The following MCTP1 variants were observed in gnomAD, a reference collection of about 807,000 sequenced individuals.
The protein encoded by MCTP1 is multiple C2 and transmembrane domain containing 1, also known as multiple C2 and transmembrane domain-containing protein 1.
In MCTP1, 69 loss-of-function variants were observed where a neutral mutation model predicts 120.6. The ratio of observed to expected loss-of-function variants is 0.57; its 90% CI spans 0.47 to 0.70. MCTP1 has a LOEUF of 0.70. Ranked by LOEUF, MCTP1 falls within the 30% of genes least tolerant of loss-of-function variation. The pLI is 0.00. For missense variants in MCTP1, 1,203 were observed against 1,248.8 expected (o/e 0.96, Z 0.55); for synonymous variants, 529 against 493.1 (o/e 1.07, Z -0.96).
chr5:94,882,962 C>A (rs1251885619), intron 12 of MCTP1, among the ~76,000 whole-genome samples: 1 of 152,116 alleles, frequency 6.6e-6, no homozygotes, highest in African/African-American at 2.4e-5. Flanking sequence ...TTTCATTCCT[C>A]TTTTTGGAGA....
chr5:95,277,281 T>A (rs891452063), intron 1 of MCTP1, among the ~76,000 whole-genome samples: 3 of 152,090 alleles, frequency 2.0e-5, no homozygotes, highest in Non-Finnish European at 4.4e-5. Context: ...TGGCAGCCAC[T>A]TAGTAGGTAC....
chr5:94,710,689 C>A, intron 21 of MCTP1, 129 bp downstream of exon 21: 1 of 609,734 alleles, frequency 1.6e-6, no homozygotes, highest in Non-Finnish European at 2.9e-6. Context: ...ACCAACCTGT[C>A]TCTTTTCATC....
chr5:95,018,675 A>G (rs1837611071), intron 1 of MCTP1, among the ~76,000 whole-genome samples: 1 of 152,058 alleles, frequency 6.6e-6, no homozygotes, highest in African/African-American at 2.4e-5. Context: ...TTGTTTCTAT[A>G]AATGATTCCT....
intron 19 of MCTP1, among the ~76,000 whole-genome samples, chr5:94,719,913 T>A (rs1194594584): frequency 6.6e-6 from 1 of 152,118 alleles, no homozygotes; most frequent in Non-Finnish European, 1.5e-5. Context: ...GCAGATCACC[T>A]GGGGTCAGGT....
chr5:94,951,729 A>G (rs1479147221), intron 3 of MCTP1, among the ~76,000 whole-genome samples: 1 of 151,870 alleles, frequency 6.6e-6, no homozygotes, highest in Non-Finnish European at 1.5e-5. Context: ...TCTCATGTGG[A>G]TATTTCTTTC....
intron 1 of MCTP1, among the ~76,000 whole-genome samples, chr5:95,044,135 C>G (rs1028406801): frequency 3.3e-5 from 5 of 152,126 alleles, no homozygotes; most frequent in Non-Finnish European, 7.4e-5. Flanking sequence ...ACTTTGTTGT[C>G]CTTGTTGAGG....
chr5:95,013,408 G>A (rs1445461355), intron 2 of MCTP1, among the ~76,000 whole-genome samples: 3 of 152,108 alleles, frequency 2.0e-5, no homozygotes, highest in East Asian at 3.9e-4. Flanking sequence ...AGATGCCATC[G>A]AGAACTTTCA....
intron 17 of MCTP1, among the ~76,000 whole-genome samples, chr5:94,841,103 C>A (rs1454966894): frequency 6.6e-6 from 1 of 152,142 alleles, no homozygotes; most frequent in African/African-American, 2.4e-5. Context: ...TGGCATGTGA[C>A]CGAGGCTTAA....
chr5:94,717,093 T>C (rs572897525), intron 19 of MCTP1, among the ~76,000 whole-genome samples: 47 of 152,268 alleles, frequency 3.1e-4, no homozygotes, highest in African/African-American at 1.1e-3. Flanking sequence ...CTGAGATAGA[T>C]AGCCAAAATC....
At chr5:94,823,613 G>C (rs1167979377) in intron 17 of MCTP1, among the ~76,000 whole-genome samples, 3 of 152,152 alleles carry the variant, frequency 2.0e-5, no homozygotes, top group Non-Finnish European at 2.9e-5. Flanking sequence ...GAACAACATT[G>C]AATCTATAAA....
At chr5:94,980,227 C>G (rs1334441992) in intron 2 of MCTP1, among the ~76,000 whole-genome samples, 1 of 152,112 alleles carries the variant, frequency 6.6e-6, no homozygotes, top group Non-Finnish European at 1.5e-5. Context: ...ACAACAGCAG[C>G]AAAGCAAAAC....
At chr5:95,128,298 T>C (rs1353080342) in intron 1 of MCTP1, among the ~76,000 whole-genome samples, 1 of 152,182 alleles carries the variant, frequency 6.6e-6, no homozygotes. Context: ...TGGCTAGATA[T>C]AGAATTACCA....
At chr5:94,895,042 CA>C (rs967037144) in intron 10 of MCTP1, among the ~76,000 whole-genome samples, 6 of 151,864 alleles carry the variant, frequency 4.0e-5, no homozygotes, top group Non-Finnish European at 7.4e-5. Context: ...CTGTAAGATA[CA>C]AAAAAATATG....
intron 1 of MCTP1, among the ~76,000 whole-genome samples, chr5:95,192,651 A>T (rs149856310): frequency 0.01 from 1,591 of 152,192 alleles, 14 homozygotes; most frequent in Middle Eastern, 0.031. Context: ...ATACTTTTAT[A>T]TGTCTTGAAA....
At chr5:95,055,543 C>G (rs1373334706) in intron 1 of MCTP1, among the ~76,000 whole-genome samples, 1 of 152,204 alleles carries the variant, frequency 6.6e-6, no homozygotes, top group African/African-American at 2.4e-5. Flanking sequence ...GGTTAAGCAA[C>G]ATGTCCAAGC....
chr5:95,073,984 C>T (rs374904895), intron 1 of MCTP1, among the ~76,000 whole-genome samples: 7 of 152,078 alleles, frequency 4.6e-5, no homozygotes, highest in Non-Finnish European at 8.8e-5. Flanking sequence ...GGCGTGGTGG[C>T]GGGTGCCTAT....
chr5:95,244,465 C>T lies in MCTP1; in HGVS notation c.720+39391G>A, dbSNP rs558616976. 2.0e-5 allele frequency among the ~76,000 whole-genome samples: 3 copies of T among 152,200 alleles called. No individual in the cohort carries two copies. The East Asian group carries it at 5.8e-4, about 29-fold the overall frequency. ...ACAGACTGTACCTGGAGAAATGGTA[C>T]ACTACTGACCAAATACTGCTCTTTT... On this transcript the variant is annotated intron_variant, in intron 1 of 22. Coordinates refer to ENST00000515393, the MANE Select transcript of MCTP1 (RefSeq NM_024717.7).
At chr5:94,781,030 A>G (rs1359703161) in intron 18 of MCTP1, among the ~76,000 whole-genome samples, 5 of 152,084 alleles carry the variant, frequency 3.3e-5, no homozygotes, top group Non-Finnish European at 7.4e-5. Flanking sequence ...GCATTGGTAC[A>G]TTTTGTTGCA....
rs1473917084 is a variant in MCTP1, at chr5:94,924,116, A to C, written c.1213-95T>G. ...CAAATAAAATCAAAGCAAATAAAAA[A>C]TCGAAAATTATATATCCTAAAGATA... On this transcript the variant is annotated intron_variant, in intron 6 of 22. Coordinates refer to ENST00000515393, the MANE Select transcript of MCTP1 (RefSeq NM_024717.7). 3 of 684,284 alleles carry C rather than the reference A, an allele frequency of 4.4e-6. No individual in the cohort carries two copies. The African/African-American group carries it at 5.8e-5, about 13-fold the overall frequency. The allele number at this position is 684,284 out of a possible 1,614,324, so 42.4% of individuals were successfully genotyped here.
Sources: gnomAD v4.1 joint callset for allele counts (sites outside exome capture counted in the v4.1 genomes callset) on GRCh38, gnomAD v4.1.1 for gene constraint, MANE v1.5 for transcripts, NCBI Gene and HGNC (gene_info 2026-07-23, HGNC 2026-07-21) for gene names.